RNF139: variants seen among roughly 807,000 people sequenced by gnomAD.
The protein encoded by RNF139 is E3 ubiquitin-protein ligase RNF139.
Under a neutral mutation model 49.5 loss-of-function variants are expected in RNF139, and 15 were observed. The ratio of observed to expected loss-of-function variants is 0.30; its 90% confidence interval spans 0.20 to 0.47. RNF139 has a LOEUF of 0.47. Among genes scored for constraint, RNF139 ranks in the 20% least tolerant of loss-of-function variants. The pLI is 1.00. For missense variants in RNF139, 619 were observed against 806.3 expected (o/e 0.77, Z 2.81); for synonymous variants, 325 against 300.9 (o/e 1.08, Z -0.83).
At position 124,487,161 on chromosome 8, in the gene RNF139, A is replaced by G. The variant is rs1225964259; in HGVS notation, c.1512A>G (p.Ala504=). 2 of 1,613,992 alleles carry G rather than the reference A, an allele frequency of 1.2e-6. No individual in the cohort carries two copies. Among genetic ancestry groups the G allele is most frequent in the Admixed American group, 1.7e-5 (1 of 60,026 alleles). The change falls in exon 2 of 2, where the codon GCA becomes GCG. Residue 504 remains alanine, a synonymous_variant. Coordinates refer to ENST00000303545, the MANE Select transcript of RNF139 (RefSeq NM_007218.4). ...KIRAFMMCLH[A]YFNIYLQAKN... Reference sequence around the variant, plus strand: ...GGGCTTTTATGATGTGCCTACATGCATATTTTAACATCTACTTACAAGCCA... The same window carrying G: ...GGGCTTTTATGATGTGCCTACATGCGTATTTTAACATCTACTTACAAGCCA...
At chr8:124,483,997 CA>C (rs1816491720) in intron 1 of RNF139, among the ~76,000 whole-genome samples, 1 of 152,122 alleles carries the variant, frequency 6.6e-6, no homozygotes. Flanking sequence ...TAGATAACTG[CA>C]GACTACAATA....
Position 124,486,372 on chromosome 8 carries a change from T to C in RNF139, c.723T>C (p.Phe241=). The change falls in exon 2 of 2, where the codon TTT becomes TTC. Residue 241 remains phenylalanine (F), a synonymous_variant. Transcript: ENST00000303545. ...GTTTCCCAGACATACTACGAGTCTTTTGGCTAACAAGAGTTACAGCTCAGG... is the reference window on the plus strand; with the variant it reads ...GTTTCCCAGACATACTACGAGTCTTCTGGCTAACAAGAGTTACAGCTCAGG... ...RIRFPDILRV[F]WLTRVTAQAT... 6.2e-7 allele frequency: 1 copy of C among 1,614,172 alleles called. No homozygotes were observed. Among genetic ancestry groups the C allele is most frequent in the East Asian group, 2.2e-5 (1 of 44,886 alleles).
At chr8:124,481,436 GAAAC>G (rs1816406630) in intron 1 of RNF139, among the ~76,000 whole-genome samples, 1 of 151,794 alleles carries the variant, frequency 6.6e-6, no homozygotes, top group South Asian at 2.1e-4. Context: ...ATAAAAGAGT[GAAAC>G]ACTTTGTTAT....
chr8:124,475,137 C>G lies in RNF139; in HGVS notation c.28C>G (p.Gln10Glu), dbSNP rs1490741775. MAAVGPPQQ[Q>E]VRMAHQQVWA... is the part of the protein sequence containing the mutation. ...GGCGGCCGTGGGGCCCCCGCAGCAGCAGGTGCGGATGGCCCATCAGCAGGT... is the reference window on the plus strand; with the variant it reads ...GGCGGCCGTGGGGCCCCCGCAGCAGGAGGTGCGGATGGCCCATCAGCAGGT... The change falls in exon 1 of 2, where the codon CAG (glutamine) becomes GAG (glutamate). Residue 10 changes from glutamine (Q) to glutamate (E), a missense_variant. Coordinates refer to ENST00000303545, the MANE Select transcript of RNF139 (RefSeq NM_007218.4). The G allele has an allele frequency of 1.9e-6, 3 of 1,603,298 alleles. No individual in the cohort carries two copies. The highest frequency in any genetic ancestry group is 1.7e-6 in the Non-Finnish European group (2 of 1,176,936).
In RNF139 at chr8:124,474,886, C is replaced by T. The variant is rs1304378888; in HGVS notation, c.-224C>T. 3.9e-5 allele frequency: 12 copies of T among 305,942 alleles called. No homozygotes were observed. The highest frequency in any genetic ancestry group is 7.0e-5 in the Non-Finnish European group (12 of 170,600). The allele number at this position is 305,942 out of a possible 1,614,324, so 19.0% of individuals were successfully genotyped here. A position where few individuals can be genotyped will look rare whatever the true frequency, so the allele number is the denominator to read the frequency against. ...GCCGGAAACACCGAAACCCAGAGAC[C>T]TCCTGGGGAGCCGCCGCCGCCGCCC... On this transcript the variant is annotated 5_prime_UTR_variant, in exon 1 of 2. Transcript: ENST00000303545. This position sits in a 1 kb window ranked among gnomAD's most constrained non-coding sequence, Gnocchi z 4.6.
Position 124,487,717 on chromosome 8 carries a change from C to A in RNF139, c.*73C>A. On this transcript the variant is annotated 3_prime_UTR_variant, in exon 2 of 2. Transcript: ENST00000303545. Reference sequence around the variant, plus strand: ...TCATCCAAAATGGAGTAATATCCTTCACCTTCAGTGTGTAACCAAGCACAA... The same window carrying A: ...TCATCCAAAATGGAGTAATATCCTTAACCTTCAGTGTGTAACCAAGCACAA... The A allele has an allele frequency of 7.0e-7, 1 of 1,431,826 alleles. No individual in the cohort carries two copies. The highest frequency in any genetic ancestry group is 9.4e-7 in the Non-Finnish European group (1 of 1,065,196). 88.7% of individuals were successfully genotyped at this position (1,431,826 alleles called of 1,614,324 possible).
intron 1 of RNF139, among the ~76,000 whole-genome samples, chr8:124,481,488 T>C (rs1375579474): frequency 6.6e-6 from 1 of 152,150 alleles, no homozygotes; most frequent in African/African-American, 2.4e-5. Flanking sequence ...TTCTTTTGTT[T>C]TTATTTGCCT....
In RNF139 at chr8:124,486,649, T is replaced by G; in HGVS notation, c.1000T>G (p.Leu334Val). The G allele has an allele frequency of 6.2e-7, 1 of 1,614,156 alleles. No homozygotes were observed. Residue 334 changes from leucine (L) to valine (V), a missense_variant, in exon 2 of 2, where the codon TTG (leucine) becomes GTG (valine). This residue lies in a region of RNF139 where 530 missense variants were observed against 728.9 expected (regional missense o/e 0.73). Coordinates refer to ENST00000303545, the MANE Select transcript of RNF139 (RefSeq NM_007218.4). ...GFVAPVLFFI[L>V]ALQTGLSGLR... ...TGTTGCACCTGTTTTATTTTTTATT[T>G]TGGCTCTTCAGACTGGGTTAAGTGG...
chr8:124,486,798 G>A lies in RNF139; in HGVS notation c.1149G>A (p.Val383=). ...PVLMSLSASH[V]SSFRRHFPVL... is the part of the protein sequence containing the mutation. Reference sequence around the variant, plus strand: ...TAATGTCTCTCAGTGCCTCTCATGTGTCATCTTTTCGTAGACATTTTCCTG... The same window carrying A: ...TAATGTCTCTCAGTGCCTCTCATGTATCATCTTTTCGTAGACATTTTCCTG... Residue 383 remains valine (V), a synonymous_variant, in exon 2 of 2, where the codon GTG becomes GTA. Coordinates refer to ENST00000303545, the MANE Select transcript of RNF139 (RefSeq NM_007218.4). 1.2e-6 allele frequency: 2 copies of A among 1,613,784 alleles called. No individual in the cohort carries two copies. Among genetic ancestry groups the A allele is most frequent in the Non-Finnish European group, 1.7e-6 (2 of 1,180,000 alleles).
chr8:124,474,989 C>G lies in RNF139; in HGVS notation c.-121C>G. ...GCGGCGGGGCTGGCCGTGAGAGAGA[C>G]AGGAGAGGAAGGAGGGCAGGGGCGG... On this transcript the variant is annotated 5_prime_UTR_variant, in exon 1 of 2. Transcript: ENST00000303545. This position sits in a 1 kb window ranked among gnomAD's most constrained non-coding sequence, Gnocchi z 4.6. 2 of 562,154 alleles carry G rather than the reference C, an allele frequency of 3.6e-6. No homozygotes were observed. The highest frequency in any genetic ancestry group is 5.1e-6 in the Non-Finnish European group (2 of 388,762). The allele number at this position is 562,154 out of a possible 1,614,324, so 34.8% of individuals were successfully genotyped here.
chr8:124,475,268 C>T lies in RNF139; in HGVS notation c.159C>T (p.Leu53=). The part of the protein sequence containing the change: ...DSSQSRFCIV[L]QIFLRLFGVF... ...GCCAAAGCCGGTTCTGCATCGTGCT[C>T]CAGATCTTCCTCCGGCTCTTTGGTA... Residue 53 remains leucine, a synonymous_variant, in exon 1 of 2, where the codon CTC becomes CTT. Transcript: ENST00000303545. 2 of 1,613,292 alleles carry T rather than the reference C, an allele frequency of 1.2e-6. No individual in the cohort carries two copies. Among genetic ancestry groups the T allele is most frequent in the East Asian group, 2.2e-5 (1 of 44,722 alleles).
chr8:124,482,117 G>C (rs1182032499), intron 1 of RNF139, among the ~76,000 whole-genome samples: 1 of 152,032 alleles, frequency 6.6e-6, no homozygotes, highest in Non-Finnish European at 1.5e-5. Flanking sequence ...ATTGTTACTT[G>C]CTGGGATACA....
In RNF139 at chr8:124,487,098, G is replaced by A; in HGVS notation, c.1449G>A (p.Gly483=). The A allele has an allele frequency of 6.2e-7, 1 of 1,613,822 alleles. No homozygotes were observed. Residue 483 remains glycine, a synonymous_variant, in exon 2 of 2, where the codon GGG becomes GGA. Coordinates refer to ENST00000303545, the MANE Select transcript of RNF139 (RefSeq NM_007218.4). The part of the protein sequence containing the change: ...FIFGVVMFGN[G]AYTMMFESGS... The stretch of plus-strand genomic sequence containing the variant: ...TTGGAGTTGTAATGTTTGGAAATGG[G>A]GCTTACACTATGATGTTTGAGTCGG...
At chr8:124,482,170 C>T (rs1816424863) in intron 1 of RNF139, among the ~76,000 whole-genome samples, 1 of 152,126 alleles carries the variant, frequency 6.6e-6, no homozygotes. Context: ...ATTTGTCTAT[C>T]TGATGCCTTC....
Position 124,482,015 on chromosome 8 carries a change from A to G in RNF139, c.182-3816A>G, listed in dbSNP as rs964456123. Among the ~76,000 whole-genome samples, 6 of 152,264 alleles carry G rather than the reference A, an allele frequency of 3.9e-5. No individual in the cohort carries two copies. The South Asian group carries it at 1.0e-3, about 26-fold the overall frequency. ...CCCCATATACCTACAAACTTTGGGT[A>G]GGAATTAAAACAAACATATACTATT... On this transcript the variant is annotated intron_variant, in intron 1 of 1. Coordinates refer to ENST00000303545, the MANE Select transcript of RNF139 (RefSeq NM_007218.4).
chr8:124,476,368 T>G (rs1816315265), intron 1 of RNF139, among the ~76,000 whole-genome samples: 1 of 152,102 alleles, frequency 6.6e-6, no homozygotes, highest in African/African-American at 2.4e-5. Flanking sequence ...CAGAGGTGGG[T>G]GGTGGTATTG....
intron 1 of RNF139, among the ~76,000 whole-genome samples, chr8:124,482,591 C>T (rs1816432500): frequency 6.6e-6 from 1 of 151,906 alleles, no homozygotes; most frequent in African/African-American, 2.4e-5. Context: ...TGAATTAATT[C>T]CATTTTCTTG....
At chr8:124,481,268 C>T (rs1816403010) in intron 1 of RNF139, among the ~76,000 whole-genome samples, 1 of 152,038 alleles carries the variant, frequency 6.6e-6, no homozygotes, top group Non-Finnish European at 1.5e-5. Context: ...TGTGCTTTTC[C>T]ATATTTATTC....
intron 1 of RNF139, among the ~76,000 whole-genome samples, chr8:124,480,965 CTTTAACTCTTCA>C (rs1379273847): frequency 6.6e-6 from 1 of 152,064 alleles, no homozygotes; most frequent in African/African-American, 2.4e-5. Flanking sequence ...GAAAAACTTG[CTTTAACTCTTCA>C]TTTAACACCT....
Sources: gnomAD v4.1 joint callset for allele counts (sites outside exome capture counted in the v4.1 genomes callset) on GRCh38, gnomAD v4.1.1 for gene constraint, gnomAD v4.1.1 regional missense constraint, Gnocchi (gnomAD v3.1) non-coding constraint, MANE v1.5 for transcripts, NCBI Gene and HGNC (gene_info 2026-07-23, HGNC 2026-07-21) for gene names.